The following ATP2B2 variants were observed in gnomAD, a reference collection of about 807,000 sequenced individuals.
The protein encoded by ATP2B2 is plasma membrane calcium-transporting ATPase 2.
Under a neutral mutation model 120.0 loss-of-function variants are expected in ATP2B2, and 15 were observed. The ratio of observed to expected loss-of-function variants is 0.12; its 90% CI spans 0.08 to 0.19. The LOEUF (loss-of-function observed/expected upper bound fraction) is 0.19. Ranked by LOEUF, ATP2B2 falls within the 10% of genes least tolerant of loss-of-function variation. The probability of loss-of-function intolerance (pLI) is 1.00; values close to 1 mark genes in which losing one functional copy is unlikely to be tolerated. For synonymous variants in ATP2B2, 694 were observed against 700.3 expected (o/e 0.99, Z 0.14); for missense variants, 1,045 against 1,719.8 (o/e 0.61, Z 6.94).
At chr3:10,588,935 G>A (rs982151529) in intron 2 of ATP2B2, among the ~76,000 whole-genome samples, 2 of 152,212 alleles carry the variant, frequency 1.3e-5, no homozygotes, top group African/African-American at 2.4e-5. Flanking sequence ...TGCTGCGTGA[G>A]CCTGTGTGTT....
At chr3:10,666,118 CCCTA>C (rs1356305818) in intron 1 of ATP2B2, among the ~76,000 whole-genome samples, 5 of 152,164 alleles carry the variant, frequency 3.3e-5, no homozygotes, top group South Asian at 2.1e-4. Context: ...CCCCTGGCTG[CCCTA>C]CCTGAGTCCC....
At chr3:10,432,859 C>T (rs1186450749) in intron 2 of ATP2B2, among the ~76,000 whole-genome samples, 1 of 152,172 alleles carries the variant, frequency 6.6e-6, no homozygotes, top group African/African-American at 2.4e-5. Context: ...GGAGAGGTTG[C>T]TGTTGGCTTT....
chr3:10,372,038 T>C lies in ATP2B2; in HGVS notation c.1430A>G (p.Asp477Gly). 1 of 1,614,202 alleles carries C rather than the reference T, an allele frequency of 6.2e-7. No homozygotes were observed. Among genetic ancestry groups the C allele is most frequent in the Non-Finnish European group, 8.5e-7 (1 of 1,180,034 alleles). The change falls in exon 12 of 23, where the codon GAC becomes GGC. Residue 477 changes from aspartate (D) to glycine (G), a missense_variant. By Grantham distance (94) the Asp-to-Gly change is moderately conservative (BLOSUM62 -1). Transcript: ENST00000360273. ...LAYSVKKMMK[D>G]NNLVRHLDAC... is the part of the protein sequence containing the mutation. ...ATCCAGGTGGCGTACCAGGTTGTTG[T>C]CCTTCATCATTTTCTGGGAGAAGGG...
intron 1 of ATP2B2, among the ~76,000 whole-genome samples, chr3:10,651,402 G>C (rs1392376791): frequency 1.3e-5 from 2 of 152,184 alleles, no homozygotes; most frequent in Non-Finnish European, 2.9e-5. Context: ...AGTCTCACAA[G>C]ATCTGATGGT....
chr3:10,400,636 A>C (rs934493917), intron 5 of ATP2B2, among the ~76,000 whole-genome samples: 1 of 152,170 alleles, frequency 6.6e-6, no homozygotes, highest in African/African-American at 2.4e-5. Context: ...ATTCTTTCTC[A>C]TCTCTGATGA....
chr3:10,417,279 G>A (rs1238151897), intron 2 of ATP2B2, among the ~76,000 whole-genome samples: 1 of 148,710 alleles, frequency 6.7e-6, no homozygotes, highest in African/African-American at 2.5e-5. Flanking sequence ...TGTGGGGGCC[G>A]AGCAGAGGTG....
At chr3:10,362,528 C>A (rs141320559) in intron 12 of ATP2B2, among the ~76,000 whole-genome samples, 1 of 152,332 alleles carries the variant, frequency 6.6e-6, no homozygotes, top group Non-Finnish European at 1.5e-5. Context: ...GGAGCACATG[C>A]TTTCTAGCTC....
At chr3:10,544,043 TC>T (rs2067492902) in intron 2 of ATP2B2, among the ~76,000 whole-genome samples, 1 of 152,060 alleles carries the variant, frequency 6.6e-6, no homozygotes, top group African/African-American at 2.4e-5. Flanking sequence ...CTGGCCCTGT[TC>T]TTCATAATTT....
In ATP2B2 at chr3:10,517,795, C is replaced by T. The variant is rs1167550301; in HGVS notation, c.-320+16244G>A. On this transcript the variant is annotated intron_variant, in intron 3 of 21. Transcript: ENST00000646379. ...GCTCCAGGATGTGAACTGGGTGTCA[C>T]GTCCTGGGCCTGTGCTTGGCTCTAG... Among the ~76,000 whole-genome samples, 4 of 152,230 alleles carry T rather than the reference C, an allele frequency of 2.6e-5. No individual in the cohort carries two copies. In the South Asian group the frequency reaches 6.2e-4, roughly 24 times the overall value.
At chr3:10,675,115 G>A (rs1322448147) in intron 1 of ATP2B2, among the ~76,000 whole-genome samples, 1 of 152,332 alleles carries the variant, frequency 6.6e-6, no homozygotes, top group Middle Eastern at 3.4e-3. Context: ...TAGGCGATGT[G>A]GGAAGTGGGA....
chr3:10,618,976 T>A (rs2069471531), intron 2 of ATP2B2, among the ~76,000 whole-genome samples: 3 of 151,912 alleles, frequency 2.0e-5, no homozygotes, highest in Non-Finnish European at 4.4e-5. Context: ...GAGGGGGTGT[T>A]GGGTGGGGCA....
intron 9 of ATP2B2, among the ~76,000 whole-genome samples, chr3:10,378,753 G>A (rs1244822453): frequency 2.0e-5 from 3 of 152,214 alleles, no homozygotes; most frequent in Non-Finnish European, 4.4e-5. Flanking sequence ...AAGACAGACA[G>A]GCTTGGGCTC....
At chr3:10,533,358 C>A (rs957157683) in intron 3 of ATP2B2, among the ~76,000 whole-genome samples, 5 of 152,316 alleles carry the variant, frequency 3.3e-5, no homozygotes, top group Admixed American at 3.3e-4. Context: ...ATTTAATGAG[C>A]ACCTACTATG....
At chr3:10,360,810 A>G (rs1450750830) in intron 12 of ATP2B2, among the ~76,000 whole-genome samples, 1 of 152,148 alleles carries the variant, frequency 6.6e-6, no homozygotes, top group African/African-American at 2.4e-5. Context: ...TTTCTATGCA[A>G]TGGCACCACA....
intron 1 of ATP2B2, among the ~76,000 whole-genome samples, chr3:10,501,246 T>C (rs78050366): frequency 0.043 from 6,478 of 152,212 alleles, 463 homozygotes; most frequent in African/African-American, 0.15. Flanking sequence ...TTACCGTCAC[T>C]CCCGCTTCCC....
chr3:10,441,958 C>T (rs2063682111), intron 2 of ATP2B2, among the ~76,000 whole-genome samples: 1 of 152,176 alleles, frequency 6.6e-6, no homozygotes, highest in African/African-American at 2.4e-5. Flanking sequence ...CTTCCCTTTT[C>T]TGGGCACATA....
chr3:10,573,646 T>C (rs1268570672), intron 2 of ATP2B2, among the ~76,000 whole-genome samples: 1 of 152,186 alleles, frequency 6.6e-6, no homozygotes, highest in African/African-American at 2.4e-5. Flanking sequence ...TTGGGTACCA[T>C]CCTTCAGCAA....
chr3:10,658,399 A>G (rs961481439), intron 1 of ATP2B2, among the ~76,000 whole-genome samples: 15 of 152,364 alleles, frequency 9.8e-5, no homozygotes, highest in South Asian at 4.1e-4. Flanking sequence ...AAGTCCTTAA[A>G]TGACCTGATG....
intron 1 of ATP2B2, among the ~76,000 whole-genome samples, chr3:10,684,693 C>T (rs542498585): frequency 7.2e-5 from 11 of 152,266 alleles, no homozygotes; most frequent in African/African-American, 2.6e-4. Flanking sequence ...AAGAAGCATC[C>T]AATATGTCCG....
Sources: allele counts gnomAD v4.1 joint callset (sites outside exome capture counted in the v4.1 genomes callset), GRCh38; gene constraint gnomAD v4.1.1; transcripts MANE v1.5; gene names NCBI Gene and HGNC (gene_info 2026-07-23, HGNC 2026-07-21).